COL5A1: variants seen among roughly 807,000 people sequenced by gnomAD.
COL5A1 encodes collagen alpha-1(V) chain.
A neutral mutation model predicts 263.7 loss-of-function variants in COL5A1; 16 were observed. That is an observed-to-expected ratio of 0.06 (90% CI 0.04 to 0.09). The LOEUF (loss-of-function observed/expected upper bound fraction) is 0.09, where lower values mean the gene tolerates loss of function less well. Among genes scored for constraint, COL5A1 ranks in the 10% least tolerant of loss-of-function variants. COL5A1 has a pLI of 1.00. For missense variants in COL5A1, 2,036 were observed against 2,540.5 expected (o/e 0.80, Z 4.27); for synonymous variants, 1,012 against 1,004.5 (o/e 1.01, Z -0.14).
In COL5A1 at chr9:134,780,011, C is replaced by T. The variant is rs529611345; in HGVS notation, c.2386-91C>T. On this transcript the variant is annotated intron_variant, in intron 27 of 65. Coordinates refer to ENST00000371817, the MANE Select transcript of COL5A1 (RefSeq NM_000093.5). ...CGCTGGCCTCATCTGTCAGCTTCAGCGAGCTCAGCCTGTCTTGACACGCCT... is the reference window on the plus strand; with the variant it reads ...CGCTGGCCTCATCTGTCAGCTTCAGTGAGCTCAGCCTGTCTTGACACGCCT... 1.9e-5 allele frequency: 27 copies of T among 1,439,238 alleles called. 1 individual carries two copies. Among genetic ancestry groups the T allele is most frequent in the African/African-American group, 1.3e-4 (9 of 71,940 alleles). 89.2% of individuals were successfully genotyped at this position (1,439,238 alleles called of 1,614,324 possible).
chr9:134,825,628 A>G (rs1839234413), intron 62 of COL5A1, among the ~76,000 whole-genome samples, 164 bp from the exon 63 acceptor site: 1 of 152,188 alleles, frequency 6.6e-6, no homozygotes, highest in Admixed American at 6.5e-5. Context: ...GCCCAGCAGG[A>G]GAAGCAAAAT....
chr9:134,823,331 C>T (rs1839102894), intron 60 of COL5A1, 85 bp from the exon 61 acceptor site: 2 of 1,485,344 alleles, frequency 1.3e-6, no homozygotes, highest in Admixed American at 1.7e-5. Flanking sequence ...ACATAGGTCT[C>T]CAGGGACCAT....
chr9:134,801,533 A>G (rs369530144), intron 37 of COL5A1, among the ~76,000 whole-genome samples: 14 of 152,356 alleles, frequency 9.2e-5, no homozygotes, highest in African/African-American at 3.1e-4. Context: ...TCACGCCTGT[A>G]ATCCCCGCAC....
intron 18 of COL5A1, among the ~76,000 whole-genome samples, chr9:134,759,329 C>T (rs1414548667): frequency 7.2e-6 from 1 of 139,610 alleles, no homozygotes; most frequent in Non-Finnish European, 1.5e-5. Context: ...TACACACATG[C>T]ACACAAGCAC....
chr9:134,691,016 G>T lies in COL5A1; in HGVS notation c.214G>T (p.Asp72Tyr). The T allele has an allele frequency of 6.2e-7, 1 of 1,613,802 alleles. No individual in the cohort carries two copies. Among genetic ancestry groups the T allele is most frequent in the Non-Finnish European group, 8.5e-7 (1 of 1,180,048 alleles). ...CACGCGGCGATCTTCCAAAGGCCCGGATGTCGCTTACAGAGTCACCAAAGA... is the reference window on the plus strand; with the variant it reads ...CACGCGGCGATCTTCCAAAGGCCCGTATGTCGCTTACAGAGTCACCAAAGA... ...CATRRSSKGP[D>Y]VAYRVTKDAQ... The change falls in exon 2 of 66, where the codon GAT (aspartate) becomes TAT (tyrosine). Residue 72 changes from aspartate to tyrosine, a missense_variant. By Grantham distance (160) the Asp-to-Tyr change is radical. Coordinates refer to ENST00000371817, the MANE Select transcript of COL5A1 (RefSeq NM_000093.5).
Position 134,765,597 on chromosome 9 carries a change from C to A in COL5A1, c.2035-84C>A. The A allele has an allele frequency of 7.8e-7, 1 of 1,281,972 alleles. No homozygotes were observed. The highest frequency in any genetic ancestry group is 1.2e-5 in the South Asian group (1 of 82,686). 79.4% of individuals were successfully genotyped at this position (1,281,972 alleles called of 1,614,324 possible). A position where few individuals can be genotyped will look rare whatever the true frequency, so the allele number is the denominator to read the frequency against. On this transcript the variant is annotated intron_variant, in intron 20 of 65. Transcript: ENST00000371817. The surrounding 1 kb of genome is among the most constrained non-coding windows in gnomAD (Gnocchi z 5.1). ...CACCAGCTGGGGTTCTGGGTGGAGT[C>A]AGGGCCAAGTGGGCATAGGGGACAG...
Position 134,738,528 on chromosome 9 carries a change from C to T in COL5A1, c.1431+13C>T, listed in dbSNP as rs2132655346. 6.2e-7 allele frequency: 1 copy of T among 1,614,044 alleles called. No individual in the cohort carries two copies. Among genetic ancestry groups the T allele is most frequent in the Non-Finnish European group, 8.5e-7 (1 of 1,180,018 alleles). On this transcript the variant is annotated intron_variant, in intron 10 of 65. Transcript: ENST00000371817. ...AGAAGGCCCCGCGGTGAGTATCCGG[C>T]TTTATCCTGTGACTTGCAGAAGGTG...
At chr9:134,817,227 G>A (rs1445275871) in intron 53 of COL5A1, 148 bp downstream of exon 53, 7 of 726,572 alleles carry the variant, frequency 9.6e-6, no homozygotes, top group African/African-American at 3.5e-5. Flanking sequence ...ACTTAGCCTC[G>A]GCCACATCAT....
At chr9:134,756,117 G>A (rs1317630637) in intron 16 of COL5A1, among the ~76,000 whole-genome samples, 4 of 152,180 alleles carry the variant, frequency 2.6e-5, no homozygotes, top group Non-Finnish European at 5.9e-5. Context: ...GGCCTGCACA[G>A]TGGGCCCCGG....
At chr9:134,825,134 A>T (rs1056784334) in intron 62 of COL5A1, among the ~76,000 whole-genome samples, 4 of 152,100 alleles carry the variant, frequency 2.6e-5, no homozygotes, top group African/African-American at 9.7e-5. Flanking sequence ...GACCTGCTTG[A>T]ACCTCGTGTT....
At chr9:134,810,388 A>C (rs1048592078) in intron 44 of COL5A1, 80 bp downstream of exon 44, 42 of 1,382,774 alleles carry the variant, frequency 3.0e-5, no homozygotes, top group Non-Finnish European at 4.1e-5. Context: ...TGTGCCATGC[A>C]CGTTCTCTTC....
At position 134,823,033 on chromosome 9, in the gene COL5A1, G is replaced by C; in HGVS notation, c.4644G>C (p.Ser1548=). The C allele has an allele frequency of 6.2e-7, 1 of 1,613,964 alleles. No homozygotes were observed. The highest frequency in any genetic ancestry group is 1.7e-5 in the Admixed American group (1 of 60,016). The change falls in exon 60 of 66, where the codon TCG becomes TCC. Residue 1548 remains serine (S), a splice_region_variant and synonymous_variant. Transcript: ENST00000371817. ...GTCCAAAAGGTGCTAAGGGCTCCTC[G>C]GTAAGTAACATGCTGCCCAGCCAGG... ...PPGPKGAKGS[S]GPTGPKGEAG...
At chr9:134,699,589 T>C (rs907224659) in intron 2 of COL5A1, among the ~76,000 whole-genome samples, 1 of 151,866 alleles carries the variant, frequency 6.6e-6, no homozygotes, top group Non-Finnish European at 1.5e-5. Flanking sequence ...GAGGTTCTCC[T>C]GAGGGTCAAC....
chr9:134,786,190 C>G, intron 31 of COL5A1, 142 bp downstream of exon 31: 1 of 807,720 alleles, frequency 1.2e-6, no homozygotes, highest in Non-Finnish European at 2.1e-6. Flanking sequence ...TGTTACGTGT[C>G]CTGGTGCAGG....
In COL5A1 at chr9:134,746,128, G is replaced by A. The variant is rs1400718692; in HGVS notation, c.1495-4414G>A. On this transcript the variant is annotated intron_variant, in intron 11 of 65. Coordinates refer to ENST00000371817, the MANE Select transcript of COL5A1 (RefSeq NM_000093.5). The stretch of plus-strand genomic sequence containing the variant: ...TGAGAGACCCTTCAGCCCACCGCGC[G>A]TGGTCATGCACGTACGTGTTCTGCA... Among the ~76,000 whole-genome samples, 3 of 152,172 alleles carry A rather than the reference G, an allele frequency of 2.0e-5. No homozygotes were observed. In the East Asian group the frequency reaches 5.8e-4, roughly 29 times the overall value.
At position 134,824,581 on chromosome 9, in the gene COL5A1, C is replaced by T. The variant is rs756225686; in HGVS notation, c.4699-19C>T. 9 of 1,613,662 alleles carry T rather than the reference C, an allele frequency of 5.6e-6. No individual in the cohort carries two copies. In the East Asian group the frequency reaches 1.3e-4, roughly 24 times the overall value. The stretch of plus-strand genomic sequence containing the variant: ...TCCCATCCTCCATCACCCACCGCTG[C>T]TCCTGTTCTGTCCCCCAGGGCCCCC... On this transcript the variant is annotated intron_variant, in intron 61 of 65. Coordinates refer to ENST00000371817, the MANE Select transcript of COL5A1 (RefSeq NM_000093.5).
At chr9:134,723,358 G>A (rs899241685) in intron 4 of COL5A1, among the ~76,000 whole-genome samples, 4 of 152,200 alleles carry the variant, frequency 2.6e-5, no homozygotes, top group Admixed American at 6.5e-5. Flanking sequence ...CAGTAGGTAC[G>A]TGGCGGCCAG....
At chr9:134,791,869 C>T (rs1449596760) in intron 32 of COL5A1, among the ~76,000 whole-genome samples, 3 of 152,188 alleles carry the variant, frequency 2.0e-5, no homozygotes, top group African/African-American at 7.2e-5. Flanking sequence ...AAGCAGACAT[C>T]CCTCTGGCAT....
At chr9:134,767,275 C>T (rs1305421961) in intron 23 of COL5A1, 35 bp from the exon 24 acceptor site, 2 of 1,611,292 alleles carry the variant, frequency 1.2e-6, no homozygotes, top group Non-Finnish European at 1.7e-6. Context: ...AATCAGCGCC[C>T]TCACCTTCCC....
Sources: allele counts gnomAD v4.1 joint callset (sites outside exome capture counted in the v4.1 genomes callset), GRCh38; gene constraint gnomAD v4.1.1; non-coding constraint Gnocchi (gnomAD v3.1); transcripts MANE v1.5; gene names NCBI Gene and HGNC (gene_info 2026-07-23, HGNC 2026-07-21).